Variants in NBPF9 observed in about 807,000 individuals in gnomAD.
NBPF9 encodes the protein NBPF family member NBPF9.
A neutral mutation model predicts 97.8 loss-of-function variants in NBPF9; 91 were observed. The observed-to-expected ratio is 0.93, with a 90% CI of 0.79 to 1.11. The LOEUF (loss-of-function observed/expected upper bound fraction) is 1.11. Among genes scored for constraint, NBPF9 ranks in the 50% least tolerant of loss-of-function variants. The pLI, the probability that NBPF9 is intolerant of heterozygous loss-of-function variation, is 0.00. For missense variants in NBPF9, 992 were observed against 939.5 expected (o/e 1.06, Z -0.73); for synonymous variants, 334 against 359.5 (o/e 0.93, Z 0.80).
At chr1:149,071,810 T>C (rs1230159543) in intron 14 of NBPF9, 134 bp from the exon 15 acceptor site, 11 of 638,942 alleles carry the variant, frequency 1.7e-5, no homozygotes, top group Non-Finnish European at 3.0e-5. Flanking sequence ...TGTTTTATCT[T>C]TAACAGAATG....
intron 7 of NBPF9, among the ~76,000 whole-genome samples, chr1:149,081,670 T>C (rs1284652690): frequency 1.4e-5 from 2 of 146,022 alleles, no homozygotes; most frequent in Non-Finnish European, 3.0e-5. Flanking sequence ...GAGAGGATTC[T>C]TGAAAACATG....
chr1:149,074,062 C>T lies in NBPF9; in HGVS notation c.989-192G>A, dbSNP rs1273197015. The stretch of plus-strand genomic sequence containing the variant: ...CATCTGATCCTCCAAAATTTAAAGA[C>T]GAAGAAAGAGAACCTCAAGGGCACA... On this transcript the variant is annotated intron_variant, in intron 12 of 29. Transcript: ENST00000584027. Among the ~76,000 whole-genome samples, 95 of 150,876 alleles carry T rather than the reference C, an allele frequency of 6.3e-4. 1 individual carries two copies. The highest frequency in any genetic ancestry group is 1.6e-3 in the African/African-American group (65 of 41,414).
intron 27 of NBPF9, among the ~76,000 whole-genome samples, chr1:149,057,752 C>CTG (rs2078313390): frequency 6.7e-4 from 43 of 64,282 alleles, no homozygotes; most frequent in African/African-American, 2.7e-3. Context: ...CACACACACA[C>CTG]AGAGAGAGAG....
intron 7 of NBPF9, among the ~76,000 whole-genome samples, chr1:149,081,147 T>C (rs2080401058): frequency 6.6e-6 from 1 of 152,146 alleles, no homozygotes; most frequent in African/African-American, 2.4e-5. Flanking sequence ...TTTTGACGAG[T>C]CTTGCCCTGT....
At chr1:149,088,538 A>G (rs2081193297) in intron 5 of NBPF9, among the ~76,000 whole-genome samples, 1 of 152,126 alleles carries the variant, frequency 6.6e-6, no homozygotes, top group African/African-American at 2.4e-5. Flanking sequence ...TGGGTTCTTC[A>G]AATCTGCCAT....
chr1:149,072,392 C>T (rs1199257697), intron 14 of NBPF9, among the ~76,000 whole-genome samples: 1 of 152,150 alleles, frequency 6.6e-6, no homozygotes, highest in Non-Finnish European at 1.5e-5. Flanking sequence ...GCCTGGGAAC[C>T]TTCATTCTTA....
chr1:149,068,838 A>G (rs2079191654), intron 17 of NBPF9, among the ~76,000 whole-genome samples: 2 of 150,204 alleles, frequency 1.3e-5, no homozygotes, highest in Admixed American at 1.3e-4. Context: ...TCTCAGCACC[A>G]CATCACACTT....
At chr1:149,082,973 T>TTTTTTTTTTTTTTTA (rs2080641542) in intron 5 of NBPF9, among the ~76,000 whole-genome samples, 1 of 130,756 alleles carries the variant, frequency 7.6e-6, no homozygotes, top group Admixed American at 7.7e-5. Context: ...TTTTTTTTTT[T>TTTTTTTTTTTTTTTA]TTTTTTTTTG....
In NBPF9 at chr1:149,059,356, G is replaced by C. The variant is rs1166410505; in HGVS notation, c.2586-259C>G. ...ATTGGCCGGGTGACACACTGATGAA[G>C]GAGTAAAAGGACACTCTGAGTTCGT... On this transcript the variant is annotated intron_variant, in intron 25 of 29. Transcript: ENST00000584027. 2.2e-5 allele frequency: 10 copies of C among 451,902 alleles called. 3 individuals are homozygous for C. The highest frequency in any genetic ancestry group is 4.1e-5 in the Non-Finnish European group (10 of 244,706). The allele number at this position is 451,902 out of a possible 1,614,324, so 28.0% of individuals were successfully genotyped here.
chr1:149,076,707 A>G (rs1183686207), intron 11 of NBPF9, among the ~76,000 whole-genome samples: 1 of 144,248 alleles, frequency 6.9e-6, no homozygotes, highest in African/African-American at 2.6e-5. Context: ...ACGGGGTTTC[A>G]CCGTGTTAGC....
chr1:149,092,895 C>T (rs587635759), intron 4 of NBPF9: 2 of 281,076 alleles, frequency 7.1e-6, no homozygotes, highest in Admixed American at 1.3e-4. Context: ...TGGGTTGCCC[C>T]TCCACACCTG....
intron 14 of NBPF9, among the ~76,000 whole-genome samples, chr1:149,072,288 C>A (rs1396037065): frequency 2.0e-5 from 3 of 151,716 alleles, no homozygotes; most frequent in South Asian, 2.1e-4. Flanking sequence ...CAGACCCTTG[C>A]AAGAGACAAT....
At chr1:149,054,899 T>A in exon 30 of NBPF9, 1 of 150,988 alleles carries the variant, frequency 6.6e-6, no homozygotes. Flanking sequence ...CCTATGAAAC[T>A]CAGGCTAAGC....
intron 5 of NBPF9, among the ~76,000 whole-genome samples, chr1:149,089,856 CAG>C (rs1443701817): frequency 6.6e-6 from 1 of 152,250 alleles, no homozygotes; most frequent in Non-Finnish European, 1.5e-5. Flanking sequence ...GAAGAGTACA[CAG>C]AGACTGCCAG....
At chr1:149,088,890 G>A (rs1575869630) in intron 5 of NBPF9, among the ~76,000 whole-genome samples, 1 of 150,748 alleles carries the variant, frequency 6.6e-6, no homozygotes, top group East Asian at 2.0e-4. Flanking sequence ...CTGGATGCCA[G>A]GTCAAAAATT....
chr1:149,089,102 A>T (rs2081239059), intron 5 of NBPF9, among the ~76,000 whole-genome samples: 2 of 151,286 alleles, frequency 1.3e-5, no homozygotes, highest in Admixed American at 1.3e-4. Flanking sequence ...CCTGTCCTCT[A>T]CTCTTCCAGA....
At chr1:149,068,705 TAGAC>T (rs1345810105) in intron 17 of NBPF9, among the ~76,000 whole-genome samples, 5 of 147,064 alleles carry the variant, frequency 3.4e-5, no homozygotes, top group Admixed American at 2.7e-4. Context: ...CTGTCAATAT[TAGAC>T]AGATCAATGA....
chr1:149,079,608 G>T lies in NBPF9; in HGVS notation c.279-387C>A, dbSNP rs878946032. On this transcript the variant is annotated intron_variant, in intron 8 of 29. Coordinates refer to ENST00000584027, the Ensembl canonical transcript of NBPF9. ...AGCCATGTACAGAAATGAGGCCAGGGGCAGATGGGGCGAATTGAAAAGACG... is the reference window on the plus strand; with the variant it reads ...AGCCATGTACAGAAATGAGGCCAGGTGCAGATGGGGCGAATTGAAAAGACG... Among the ~76,000 whole-genome samples the T allele has an allele frequency of 1.0e-4, 15 of 145,862 alleles. No homozygotes were observed. In the East Asian group the frequency reaches 1.4e-3, roughly 14 times the overall value.
exon 30 of NBPF9, chr1:149,055,540 C>G (rs1553648542): frequency 1.2e-5 from 18 of 1,563,722 alleles, no homozygotes; most frequent in Admixed American, 1.8e-5. Flanking sequence ...TAGAGCCATG[C>G]CCACTGACCC....
Sources: gnomAD v4.1 joint callset for allele counts (sites outside exome capture counted in the v4.1 genomes callset) on GRCh38, gnomAD v4.1.1 for gene constraint, MANE v1.5 for transcripts, NCBI Gene and HGNC (gene_info 2026-07-23, HGNC 2026-07-21) for gene names.